VPS13B: variants seen among roughly 807,000 people sequenced by gnomAD.
The protein encoded by VPS13B is intermembrane lipid transfer protein VPS13B.
Under a neutral mutation model 426.4 loss-of-function variants are expected in VPS13B, and 285 were observed. The observed-to-expected ratio is 0.67, with a 90% CI of 0.61 to 0.74. The LOEUF is 0.74. Among genes scored for constraint, VPS13B ranks in the 30% least tolerant of loss-of-function variants. The pLI, the probability that VPS13B is intolerant of heterozygous loss-of-function variation, is 0.00. For missense variants in VPS13B, 4,537 were observed against 4,782.6 expected (o/e 0.95, Z 1.51); for synonymous variants, 1,676 against 1,676.4 (o/e 1.00, Z 0.01).
At chr8:99,487,482 T>C (rs1222938718) in intron 25 of VPS13B, among the ~76,000 whole-genome samples, 2 of 152,180 alleles carry the variant, frequency 1.3e-5, no homozygotes, top group African/African-American at 4.8e-5. Context: ...ATTTTAACCA[T>C]TTTAAAATGT....
chr8:99,835,849 C>T, intron 54 of VPS13B, 111 bp downstream of exon 54: 1 of 1,115,304 alleles, frequency 9.0e-7, no homozygotes, highest in South Asian at 1.4e-5. Flanking sequence ...CATCTTTTCT[C>T]TGTGTGAGAG....
At position 99,840,127 on chromosome 8, in the gene VPS13B, C is replaced by T. The variant is rs151234999; in HGVS notation, c.9942+4389C>T. 7.9e-3 allele frequency among the ~76,000 whole-genome samples: 1,199 copies of T among 152,328 alleles called. 20 individuals are homozygous for T. Among genetic ancestry groups the T allele is most frequent in the Non-Finnish European group, 9.2e-3 (623 of 68,034 alleles). On this transcript the variant is annotated intron_variant, in intron 54 of 61. Coordinates refer to ENST00000357162, the MANE Select transcript of VPS13B (RefSeq NM_152564.5). ...TGTTCCCTTTTAAAAATCTGGCAGCCGGAATTACACACAGTATTCCAAATG... is the reference window on the plus strand; with the variant it reads ...TGTTCCCTTTTAAAAATCTGGCAGCTGGAATTACACACAGTATTCCAAATG...
chr8:99,765,835 G>A (rs954273103), intron 39 of VPS13B, among the ~76,000 whole-genome samples: 113 of 152,014 alleles, frequency 7.4e-4, no homozygotes, highest in African/African-American at 2.6e-3. Context: ...TTTATCATGG[G>A]TTTCATGCCA....
chr8:99,055,049 T>TTG (rs1156939700), intron 3 of VPS13B, among the ~76,000 whole-genome samples: 4 of 151,330 alleles, frequency 2.6e-5, no homozygotes, highest in Middle Eastern at 3.4e-3. Flanking sequence ...TTTTTGTTTT[T>TTG]TTTTTTGTTA....
At chr8:99,284,749 C>A (rs1222503739) in intron 19 of VPS13B, among the ~76,000 whole-genome samples, 1 of 120,610 alleles carries the variant, frequency 8.3e-6, no homozygotes, top group Non-Finnish European at 1.8e-5. Flanking sequence ...TTTGTAGAGA[C>A]AGAGTCCCAC....
Position 99,868,345 on chromosome 8 carries a change from GCA to G in VPS13B, c.11275_11276del (p.Gln3759GlyfsTer31). The G allele has an allele frequency of 6.2e-7, 1 of 1,614,128 alleles. No individual in the cohort carries two copies. Among genetic ancestry groups the G allele is most frequent in the Non-Finnish European group, 8.5e-7 (1 of 1,180,030 alleles). On this transcript the variant is annotated frameshift_variant, in exon 59 of 62. Coordinates refer to ENST00000357162, the MANE Select transcript of VPS13B (RefSeq NM_152564.5). LOFTEE classifies it high-confidence loss of function. ...GCAGAACTTCCAGAAAACATCTGAG[GCA>G]CAGGCTTCAGCAGGACACAAGGCCA... The part of the protein sequence containing the change: ...PMQNFQKTSE[A>X]QASAGHKAKG...
At chr8:99,354,956 C>A (rs1037018845) in intron 19 of VPS13B, among the ~76,000 whole-genome samples, 1 of 152,102 alleles carries the variant, frequency 6.6e-6, no homozygotes, top group African/African-American at 2.4e-5. Context: ...AACAGACAAA[C>A]AAAAAACCTA....
At chr8:99,531,430 T>C (rs1385200817) in intron 30 of VPS13B, among the ~76,000 whole-genome samples, 7 of 152,192 alleles carry the variant, frequency 4.6e-5, no homozygotes, top group African/African-American at 1.7e-4. Context: ...AGGAGATATT[T>C]AAAAGTCATT....
rs1394466034 is a variant in VPS13B at position 99,795,684 on chromosome 8, A to G, written c.7941+11208A>G. ...TAATCAAGACATCACATGGAGCTGCACTCCTCTGAAGGCTCATCTGGTCTG... is the reference window on the plus strand; with the variant it reads ...TAATCAAGACATCACATGGAGCTGCGCTCCTCTGAAGGCTCATCTGGTCTG... On this transcript the variant is annotated intron_variant, in intron 43 of 61. Transcript: ENST00000357162. 2.0e-5 allele frequency among the ~76,000 whole-genome samples: 3 copies of G among 152,076 alleles called. No homozygotes were observed. In the East Asian group the frequency reaches 5.8e-4, roughly 29 times the overall value.
chr8:99,736,793 A>G lies in VPS13B; in HGVS notation c.7050+15746A>G, dbSNP rs546878820. ...TTTGCCTCCATGTATTTTCTTATCT[A>G]GTGTCAGACATTACGCTGAGAGCTT... On this transcript the variant is annotated intron_variant, in intron 39 of 61. Transcript: ENST00000357162. Among the ~76,000 whole-genome samples the G allele has an allele frequency of 4.6e-5, 7 of 152,146 alleles. No individual in the cohort carries two copies. The South Asian group carries it at 1.5e-3, about 32-fold the overall frequency.
intron 2 of VPS13B, among the ~76,000 whole-genome samples, chr8:99,029,161 C>T (rs1192039090): frequency 2.0e-5 from 3 of 147,070 alleles, no homozygotes; most frequent in African/African-American, 5.1e-5. Flanking sequence ...CAGAGGTGCT[C>T]CCCACATCTC....
chr8:99,472,637 A>G (rs948408187), intron 24 of VPS13B, among the ~76,000 whole-genome samples: 6 of 152,018 alleles, frequency 3.9e-5, no homozygotes, highest in African/African-American at 1.4e-4. Context: ...AGAAAAGAAC[A>G]AGAGAAACCC....
At position 99,121,412 on chromosome 8, in the gene VPS13B, A is replaced by T. The variant is rs1160712344; in HGVS notation, c.1173A>T (p.Gly391=). The T allele has an allele frequency of 6.2e-7, 1 of 1,614,162 alleles. No individual in the cohort carries two copies. The highest frequency in any genetic ancestry group is 2.2e-5 in the East Asian group (1 of 44,874). The change falls in exon 8 of 62, where the codon GGA becomes GGT. Residue 391 remains glycine, a synonymous_variant. Coordinates refer to ENST00000357162, the MANE Select transcript of VPS13B (RefSeq NM_152564.5). ...TGAAGGATCCTATTGTTTCTATAGG[A>T]TTTTATTGCACAAAGGCAACGGTGA... ...QTLKDPIVSI[G]FYCTKATVTF...
chr8:99,049,009 A>C (rs1843379124), intron 3 of VPS13B, among the ~76,000 whole-genome samples: 1 of 152,130 alleles, frequency 6.6e-6, no homozygotes, highest in South Asian at 2.1e-4. Context: ...GTACATTTGC[A>C]TAGAATGTCT....
At chr8:99,189,555 T>A (rs1263897527) in intron 16 of VPS13B, among the ~76,000 whole-genome samples, 1 of 152,156 alleles carries the variant, frequency 6.6e-6, no homozygotes, top group African/African-American at 2.4e-5. Flanking sequence ...TGATAAATAT[T>A]TCTGTATACT....
intron 36 of VPS13B, among the ~76,000 whole-genome samples, chr8:99,707,175 A>G (rs1041819334): frequency 1.3e-5 from 2 of 152,198 alleles, no homozygotes; most frequent in African/African-American, 4.8e-5. Context: ...AGTAGTTTGT[A>G]TAAAGCAACA....
At chr8:99,703,952 G>A (rs1415762643) in intron 36 of VPS13B, among the ~76,000 whole-genome samples, 1 of 152,088 alleles carries the variant, frequency 6.6e-6, no homozygotes, top group Admixed American at 6.6e-5. Context: ...ATAAGGAAAA[G>A]GAAAATAGAA....
At chr8:99,206,102 C>T (rs60932963) in intron 17 of VPS13B, among the ~76,000 whole-genome samples, 3 of 151,904 alleles carry the variant, frequency 2.0e-5, no homozygotes, top group Non-Finnish European at 4.4e-5. Flanking sequence ...TGTCTTTTTG[C>T]GAGAAGATTA....
intron 19 of VPS13B, chr8:99,341,237 G>T: frequency 5.7e-6 from 1 of 175,638 alleles, no homozygotes; most frequent in South Asian, 1.4e-4. Flanking sequence ...CTTCTCGTAG[G>T]ACTCCAAAAT....
Sources: allele counts gnomAD v4.1 joint callset (sites outside exome capture counted in the v4.1 genomes callset), GRCh38; gene constraint gnomAD v4.1.1; transcripts MANE v1.5; gene names NCBI Gene and HGNC (gene_info 2026-07-23, HGNC 2026-07-21).